The following GBGT1 variants were observed in gnomAD, a reference collection of about 807,000 sequenced individuals.
The protein encoded by GBGT1 is globoside alpha-1,3-N-acetylgalactosaminyltransferase 1 (FORS blood group).
Under a neutral mutation model 20.9 loss-of-function variants are expected in GBGT1, and 18 were observed. The ratio of observed to expected loss-of-function variants is 0.86; its 90% confidence interval spans 0.60 to 1.28. The LOEUF (loss-of-function observed/expected upper bound fraction) is 1.28, where lower values mean the gene tolerates loss of function less well. GBGT1 is among the 50% of genes most tolerant of loss of function. GBGT1 has a pLI of 0.00. For missense variants in GBGT1, 432 were observed against 455.7 expected, an observed-to-expected ratio of 0.95 and a Z score of 0.47; for synonymous variants, 168 against 180.8, an observed-to-expected ratio of 0.93 and a Z score of 0.57.
chr9:133,160,890 A>G (rs1833019246), intron 3 of GBGT1, among the ~76,000 whole-genome samples: 1 of 151,990 alleles, frequency 6.6e-6, no homozygotes, highest in Admixed American at 6.6e-5. Context: ...GGTGCCTGTA[A>G]TCCCAGCTAC....
chr9:133,158,225 A>T (rs1832931203), intron 3 of GBGT1, among the ~76,000 whole-genome samples: 1 of 152,110 alleles, frequency 6.6e-6, no homozygotes, highest in Non-Finnish European at 1.5e-5. Flanking sequence ...GCTCATAAGG[A>T]TCCCACCCAC....
intron 1 of GBGT1, 123 bp from the exon 2 acceptor site, chr9:133,162,655 C>T (rs1267020848): frequency 1.9e-6 from 1 of 532,060 alleles, no homozygotes; most frequent in Non-Finnish European, 3.4e-6. Context: ...ATTCTCTTGT[C>T]TCAGCCTCCT....
At chr9:133,160,308 A>AATAATAATAATG (rs1411185540) in intron 3 of GBGT1, 1 of 147,830 alleles carries the variant, frequency 6.8e-6, no homozygotes, top group Non-Finnish European at 1.5e-5. Flanking sequence ...TAATAATAAT[A>AATAATAATAATG]ATAAATAAAA....
At chr9:133,157,279 C>T (rs1832899511) in intron 3 of GBGT1, among the ~76,000 whole-genome samples, 1 of 146,946 alleles carries the variant, frequency 6.8e-6, no homozygotes, top group African/African-American at 2.6e-5. Flanking sequence ...CAAAGTGAGA[C>T]CCTGTCTCAA....
Position 133,153,701 on chromosome 9 carries a change from G to T in GBGT1, c.920C>A (p.Ser307Ter). 2.5e-6 allele frequency: 4 copies of T among 1,613,880 alleles called. No individual in the cohort carries two copies. Among genetic ancestry groups the T allele is most frequent in the Non-Finnish European group, 3.4e-6 (4 of 1,179,914 alleles). ...GGACAGCACCTTGGACGGCTTGTTTGAGATGAAGTGACGGTTCAGGTGGCT... is the reference window on the plus strand; with the variant it reads ...GGACAGCACCTTGGACGGCTTGTTTTAGATGAAGTGACGGTTCAGGTGGCT... ...EESHLNRHFI[S>*]NKPSKVLSPE... Residue 307 changes from serine to a stop codon, truncating the protein, a stop_gained, in exon 7 of 7, where the codon TCA (serine) becomes TAA (stop). Coordinates refer to ENST00000372040, the MANE Select transcript of GBGT1 (RefSeq NM_021996.6). LOFTEE classifies it high-confidence loss of function.
Position 133,153,819 on chromosome 9 carries a change from GC to G in GBGT1, c.801del (p.Gln268ArgfsTer34), listed in dbSNP as rs746075078. 6.3e-7 allele frequency: 1 copy of G among 1,586,368 alleles called. No individual in the cohort carries two copies. The highest frequency in any genetic ancestry group is 2.2e-5 in the East Asian group (1 of 44,508). ...GTAAACTCATATACCCTGGCCACCT[GC>G]CCCCCGAAGACTGCCCCACCATAAT... is the stretch of plus-strand genomic sequence containing the variant. ...DFYYGGAVFG[G>X]QVARVYEFTR... On this transcript the variant is annotated frameshift_variant, in exon 7 of 7. Transcript: ENST00000372040. LOFTEE classifies it low-confidence loss of function (END_TRUNC).
chr9:133,163,634 G>C (rs1225143750), intron 1 of GBGT1, 120 bp downstream of exon 1: 1 of 152,646 alleles, frequency 6.6e-6, no homozygotes, highest in East Asian at 1.9e-4. Flanking sequence ...GTCGGGACCC[G>C]GGACCCTGGG....
chr9:133,154,301 G>T lies in GBGT1; in HGVS notation c.360-40C>A. 7.6e-7 allele frequency: 1 copy of T among 1,309,670 alleles called. No homozygotes were observed. Among genetic ancestry groups the T allele is most frequent in the Non-Finnish European group, 1.0e-6 (1 of 957,774 alleles). 81.1% of individuals were successfully genotyped at this position (1,309,670 alleles called of 1,614,324 possible). A position where few individuals can be genotyped will look rare whatever the true frequency, so the allele number is the denominator to read the frequency against. ...CCGGTCACCCACTGCTACACCAGCA[G>T]CCTGCCAGGGTCCCCACTGTGTGCT... On this transcript the variant is annotated intron_variant, in intron 6 of 6. Transcript: ENST00000372040. The surrounding 1 kb of genome is among the most constrained non-coding windows in gnomAD (Gnocchi z 4.2).
In GBGT1 at chr9:133,156,007, C is replaced by A; in HGVS notation, c.188+8G>T. 6.2e-7 allele frequency: 1 copy of A among 1,614,054 alleles called. No individual in the cohort carries two copies. Among genetic ancestry groups the A allele is most frequent in the African/African-American group, 1.3e-5 (1 of 75,062 alleles). On this transcript the variant is annotated splice_region_variant and intron_variant, in intron 4 of 6. Coordinates refer to ENST00000372040, the MANE Select transcript of GBGT1 (RefSeq NM_021996.6). ...CGGCCACAAAAGAGGAAATGCCAGT[C>A]TCCTTACCATACCACGGGCTGGAGT...
rs1832855766 is a variant in GBGT1, at chr9:133,155,884, C to G, written c.224+17G>C. The G allele has an allele frequency of 6.2e-7, 1 of 1,613,838 alleles. No homozygotes were observed. Among genetic ancestry groups the G allele is most frequent in the Non-Finnish European group, 8.5e-7 (1 of 1,179,702 alleles). The stretch of plus-strand genomic sequence containing the variant: ...TCCTTTTCCCCCGCCCCCATCAGGC[C>G]TCTCCATGACACCTACCTGTGCTCC... On this transcript the variant is annotated intron_variant, in intron 5 of 6. Transcript: ENST00000372040.
chr9:133,162,585 G>A (rs1240719265), intron 1 of GBGT1, 53 bp from the exon 2 acceptor site: 9 of 622,184 alleles, frequency 1.4e-5, no homozygotes, highest in Non-Finnish European at 2.3e-5. Context: ...CTTGTCAACT[G>A]GGCTGGAGTG....
intron 3 of GBGT1, among the ~76,000 whole-genome samples, chr9:133,160,732 C>G (rs1047301788): frequency 2.0e-5 from 3 of 151,890 alleles, no homozygotes; most frequent in African/African-American, 2.4e-5. Flanking sequence ...GTGACCGGAC[C>G]GATGCAGTAG....
At position 133,153,867 on chromosome 9, in the gene GBGT1, C is replaced by A; in HGVS notation, c.754G>T (p.Ala252Ser). ...ERRRVSTAFVADSEGDFYYGG... is the reference protein window; with the variant it reads ...ERRRVSTAFVSDSEGDFYYGG... ...TAATAGAAGTCCCCTTCGCTGTCTG[C>A]CACAAAGGCAGTGGAAACACGCCTG... The change falls in exon 7 of 7, where the codon GCA becomes TCA. Residue 252 changes from alanine to serine, a missense_variant. Transcript: ENST00000372040. 1 of 1,600,958 alleles carries A rather than the reference C, an allele frequency of 6.2e-7. No homozygotes were observed. Among genetic ancestry groups the A allele is most frequent in the Non-Finnish European group, 8.5e-7 (1 of 1,170,492 alleles).
chr9:133,155,674 C>A (rs1832849736), intron 5 of GBGT1, among the ~76,000 whole-genome samples: 2 of 152,310 alleles, frequency 1.3e-5, no homozygotes, highest in African/African-American at 4.8e-5. Context: ...CTCCAGTGAG[C>A]TAGGCACTAC....
rs554583982 is a variant in GBGT1 at position 133,156,466 on chromosome 9, C to A, written c.138-401G>T. Among the ~76,000 whole-genome samples, 39 of 152,148 alleles carry A rather than the reference C, an allele frequency of 2.6e-4. No homozygotes were observed. In the East Asian group the frequency reaches 6.8e-3, roughly 27 times the overall value. On this transcript the variant is annotated intron_variant, in intron 3 of 6. Coordinates refer to ENST00000372040, the MANE Select transcript of GBGT1 (RefSeq NM_021996.6). The stretch of plus-strand genomic sequence containing the variant: ...CACAAGGCCAGGAGTTCAAGACCAG[C>A]CTGGCCAAGATGGTGAAACCTCGTC...
In GBGT1 at chr9:133,155,862, T is replaced by C. The variant is rs771665971; in HGVS notation, c.224+39A>G. On this transcript the variant is annotated intron_variant, in intron 5 of 6. Transcript: ENST00000372040. ...CTTATAAATCAGAGCTCTTTTGTCCTTTTCCCCCGCCCCCATCAGGCCTCT... is the reference window on the plus strand; with the variant it reads ...CTTATAAATCAGAGCTCTTTTGTCCCTTTCCCCCGCCCCCATCAGGCCTCT... 3.7e-6 allele frequency: 6 copies of C among 1,606,416 alleles called. No individual in the cohort carries two copies. In the Admixed American group the frequency reaches 1.0e-4, roughly 27 times the overall value.
At chr9:133,156,327 T>C (rs930464262) in intron 3 of GBGT1, among the ~76,000 whole-genome samples, 5 of 152,108 alleles carry the variant, frequency 3.3e-5, no homozygotes, top group African/African-American at 4.8e-5. Context: ...GGCTGATGCT[T>C]TTCCAACCAT....
rs1026555060 is a variant in GBGT1, at chr9:133,154,991, C to T, written c.359+187G>A. 14 of 585,314 alleles carry T rather than the reference C, an allele frequency of 2.4e-5. No individual in the cohort carries two copies. Among genetic ancestry groups the T allele is most frequent in the African/African-American group, 9.3e-5 (5 of 53,626 alleles). The allele number at this position is 585,314 out of a possible 1,614,324, so 36.3% of individuals were successfully genotyped here. On this transcript the variant is annotated intron_variant, in intron 6 of 6. Transcript: ENST00000372040. The surrounding 1 kb of genome is among the most constrained non-coding windows in gnomAD (Gnocchi z 4.2). ...TCCTGTCTATGCTAGAGCCAGATCC[C>T]CTACTCCAGGAAGCTCCCATCCCAC...
Position 133,153,477 on chromosome 9 carries a change from G to C in GBGT1, c.*100C>G, listed in dbSNP as rs140587519. 2.4e-6 allele frequency: 2 copies of C among 839,348 alleles called. No homozygotes were observed. The highest frequency in any genetic ancestry group is 1.9e-6 in the Non-Finnish European group (1 of 538,342). The allele number at this position is 839,348 out of a possible 1,614,324, so 52.0% of individuals were successfully genotyped here. On this transcript the variant is annotated 3_prime_UTR_variant, in exon 7 of 7. Transcript: ENST00000372040. ...GTCCCTTTTCCGGTTGAATTCGCCT[G>C]ACTGACAGGGAGGCGGGACAGGGCT...
Sources: gnomAD v4.1 joint callset for allele counts (sites outside exome capture counted in the v4.1 genomes callset) on GRCh38, gnomAD v4.1.1 for gene constraint, Gnocchi (gnomAD v3.1) non-coding constraint, MANE v1.5 for transcripts, NCBI Gene and HGNC (gene_info 2026-07-23, HGNC 2026-07-21) for gene names.